Variants in NIPAL2 observed in about 807,000 individuals in gnomAD.
The protein encoded by NIPAL2 is NIPA-like protein 2.
NIPAL2 carries 43 observed loss-of-function variants against 48.9 expected under a neutral mutation model. That is an observed-to-expected ratio of 0.88 (90% CI 0.69 to 1.13). NIPAL2 has a LOEUF of 1.13. NIPAL2 is among the 50% of genes most tolerant of loss of function. The probability of loss-of-function intolerance (pLI) is 0.00; values close to 1 mark genes in which losing one functional copy is unlikely to be tolerated. For missense variants in NIPAL2, 446 were observed against 461.4 expected (o/e 0.97, Z 0.31); for synonymous variants, 167 against 174.6 (o/e 0.96, Z 0.34).
At chr8:98,216,533 C>A (rs1811583220) in intron 5 of NIPAL2, among the ~76,000 whole-genome samples, 1 of 152,206 alleles carries the variant, frequency 6.6e-6, no homozygotes, top group Admixed American at 6.5e-5. Flanking sequence ...ACAGTTTTCT[C>A]CCTTAGGTTT....
intron 1 of NIPAL2, among the ~76,000 whole-genome samples, chr8:98,271,035 A>G (rs556891470): frequency 6.6e-6 from 1 of 152,156 alleles, no homozygotes; most frequent in Middle Eastern, 3.4e-3. Flanking sequence ...TGGGCTCTCT[A>G]TTATGTTCCA....
Position 98,195,983 on chromosome 8 carries a change from G to T in NIPAL2, c.903C>A (p.Phe301Leu). ...ATACAGTGAGAAAAGGAGCACCAAG[G>T]AATTCCTGATAAAATATGATACCTG... ...IIAGIIFYQE[F>L]LGAPFLTVFI... The change falls in exon 9 of 11, where the codon TTC becomes TTA. Residue 301 changes from phenylalanine (F) to leucine (L), a missense_variant. Coordinates refer to ENST00000430223, the MANE Select transcript of NIPAL2 (RefSeq NM_001321635.2). The T allele has an allele frequency of 6.3e-7, 1 of 1,589,184 alleles. No individual in the cohort carries two copies. The highest frequency in any genetic ancestry group is 8.6e-7 in the Non-Finnish European group (1 of 1,161,710).
intron 5 of NIPAL2, among the ~76,000 whole-genome samples, chr8:98,214,022 A>G (rs1811451170): frequency 1.3e-5 from 2 of 152,180 alleles, no homozygotes; most frequent in South Asian, 4.1e-4. Flanking sequence ...TCACACCTCA[A>G]ATTTATTATG....
At chr8:98,208,979 C>A (rs1451457165) in intron 6 of NIPAL2, among the ~76,000 whole-genome samples, 1 of 152,122 alleles carries the variant, frequency 6.6e-6, no homozygotes, top group African/African-American at 2.4e-5. Flanking sequence ...AAGATGAGCA[C>A]ACAGTGCAGA....
intron 4 of NIPAL2, among the ~76,000 whole-genome samples, chr8:98,229,257 A>G (rs1586355169): frequency 1.3e-5 from 2 of 152,348 alleles, no homozygotes; most frequent in East Asian, 1.9e-4. Context: ...CAAATATTAA[A>G]TAAAACCTCT....
chr8:98,226,776 A>C (rs564640791), intron 4 of NIPAL2, among the ~76,000 whole-genome samples: 1 of 152,214 alleles, frequency 6.6e-6, no homozygotes, highest in South Asian at 2.1e-4. Flanking sequence ...GCTACTGCCT[A>C]TGTTCGCTCA....
intron 4 of NIPAL2, among the ~76,000 whole-genome samples, chr8:98,223,298 C>T (rs1278441740): frequency 6.6e-6 from 1 of 151,990 alleles, no homozygotes; most frequent in Non-Finnish European, 1.5e-5. Context: ...TGTGTTACTG[C>T]CATCGGTTTA....
At chr8:98,232,643 T>C (rs1399426731) in intron 4 of NIPAL2, among the ~76,000 whole-genome samples, 1 of 152,170 alleles carries the variant, frequency 6.6e-6, no homozygotes, top group Non-Finnish European at 1.5e-5. Context: ...TTTATATAAC[T>C]TGGCAAAGGT....
intron 1 of NIPAL2, among the ~76,000 whole-genome samples, chr8:98,260,229 T>C (rs973789643): frequency 2.6e-5 from 4 of 152,166 alleles, no homozygotes; most frequent in Admixed American, 2.0e-4. Context: ...GCAAAGCCAT[T>C]ATCTTCTTTG....
chr8:98,224,390 T>C (rs987761628), intron 4 of NIPAL2, among the ~76,000 whole-genome samples: 1 of 152,184 alleles, frequency 6.6e-6, no homozygotes, highest in Non-Finnish European at 1.5e-5. Context: ...TATCTTGCTT[T>C]TTTTTTCTGC....
intron 4 of NIPAL2, among the ~76,000 whole-genome samples, chr8:98,227,152 G>C (rs1274465722): frequency 1.3e-5 from 2 of 152,052 alleles, no homozygotes; most frequent in Non-Finnish European, 2.9e-5. Flanking sequence ...CAGGGAAGTG[G>C]GCTCTCCTGT....
chr8:98,267,010 A>G lies in NIPAL2; in HGVS notation c.136-12923T>C, dbSNP rs548602494. ...ACTGCCAACCTGTTGTTTGGCAGAC[A>G]TAGTAAATGAAGGTTTTGCTGTTTC... On this transcript the variant is annotated intron_variant, in intron 1 of 10. Transcript: ENST00000430223. Among the ~76,000 whole-genome samples the G allele has an allele frequency of 4.1e-4, 63 of 151,848 alleles. 1 individual carries two copies. The highest frequency in any genetic ancestry group is 1.5e-3 in the African/African-American group (62 of 41,504).
chr8:98,213,901 T>C (rs1262076002), intron 5 of NIPAL2, among the ~76,000 whole-genome samples: 1 of 152,208 alleles, frequency 6.6e-6, no homozygotes, highest in East Asian at 1.9e-4. Flanking sequence ...TCTTCCCTAC[T>C]AGAATGCCAG....
chr8:98,257,988 A>G (rs1049734083), intron 1 of NIPAL2, among the ~76,000 whole-genome samples: 2 of 152,212 alleles, frequency 1.3e-5, no homozygotes, highest in African/African-American at 4.8e-5. Flanking sequence ...ACTTGGGCAC[A>G]TGTTCTCATA....
intron 1 of NIPAL2, among the ~76,000 whole-genome samples, chr8:98,290,067 A>G (rs1816412504): frequency 6.6e-6 from 1 of 152,242 alleles, no homozygotes; most frequent in African/African-American, 2.4e-5. Context: ...GTAGTTTTGC[A>G]GTTAAACCCA....
intron 8 of NIPAL2, among the ~76,000 whole-genome samples, chr8:98,198,934 GT>G (rs936852152): frequency 2.0e-5 from 3 of 150,776 alleles, no homozygotes; most frequent in East Asian, 3.9e-4. Context: ...CCTTCAAAAA[GT>G]TTTTTTCTTT....
intron 1 of NIPAL2, among the ~76,000 whole-genome samples, chr8:98,286,229 A>C (rs1238981570): frequency 2.6e-5 from 4 of 151,964 alleles, no homozygotes; most frequent in African/African-American, 9.7e-5. Context: ...AGCCAAATAA[A>C]CTTCTATTGT....
chr8:98,263,975 T>C (rs1477069701), intron 1 of NIPAL2, among the ~76,000 whole-genome samples: 1 of 140,342 alleles, frequency 7.1e-6, no homozygotes, highest in Non-Finnish European at 1.5e-5. Context: ...GCTGGTTCAA[T>C]ATACGCAAAT....
At position 98,193,007 on chromosome 8, in the gene NIPAL2, T is replaced by C; in HGVS notation, c.1123A>G (p.Ser375Gly). 1 of 1,613,760 alleles carries C rather than the reference T, an allele frequency of 6.2e-7. No individual in the cohort carries two copies. Among genetic ancestry groups the C allele is most frequent in the Non-Finnish European group, 8.5e-7 (1 of 1,179,680 alleles). Residue 375 changes from serine (S) to glycine (G), a missense_variant, in exon 11 of 11, where the codon AGC (serine) becomes GGC (glycine). By Grantham distance (56) the Ser-to-Gly change is moderately conservative. Transcript: ENST00000430223. ...TLPDGSDSTK[S>G]QSGEKKEV ...ACCTCTTTCTTCTCTCCACTTTGGC[T>C]CTTTGTTGAGTCACTTCCATCAGGC...
Sources: allele counts gnomAD v4.1 joint callset (sites outside exome capture counted in the v4.1 genomes callset), GRCh38; gene constraint gnomAD v4.1.1; transcripts MANE v1.5; gene names NCBI Gene and HGNC (gene_info 2026-07-23, HGNC 2026-07-21).